PLXNA4: variants seen among roughly 807,000 people sequenced by gnomAD.
PLXNA4 encodes plexin-A4.
A neutral mutation model predicts 191.8 loss-of-function variants in PLXNA4; 44 were observed. The ratio of observed to expected loss-of-function variants is 0.23; its 90% CI spans 0.18 to 0.29. PLXNA4 has a LOEUF of 0.29. Ranked by LOEUF, PLXNA4 falls within the 10% of genes least tolerant of loss-of-function variation. The pLI, the probability that PLXNA4 is intolerant of heterozygous loss-of-function variation, is 1.00. For synonymous variants in PLXNA4, 1,082 were observed against 1,009.5 expected (o/e 1.07, Z -1.36); for missense variants, 1,800 against 2,488.8 (o/e 0.72, Z 5.89).
At chr7:132,604,955 T>C (rs1802895903) in intron 2 of PLXNA4, among the ~76,000 whole-genome samples, 1 of 152,178 alleles carries the variant, frequency 6.6e-6, no homozygotes. Context: ...CTTCCTTTGT[T>C]GACTCCAGTC....
intron 4 of PLXNA4, among the ~76,000 whole-genome samples, chr7:132,283,978 C>T (rs573966419): frequency 5.3e-5 from 8 of 152,198 alleles, no homozygotes; most frequent in Non-Finnish European, 7.4e-5. Context: ...AGGAGCCCAG[C>T]GTGTACAACA....
At chr7:132,272,994 G>A (rs1442291869) in intron 4 of PLXNA4, among the ~76,000 whole-genome samples, 1 of 152,172 alleles carries the variant, frequency 6.6e-6, no homozygotes, top group African/African-American at 2.4e-5. Context: ...TTGAAGGGCA[G>A]GCTGTGTTTT....
chr7:132,463,852 C>T (rs1264365678), intron 3 of PLXNA4, among the ~76,000 whole-genome samples: 1 of 152,204 alleles, frequency 6.6e-6, no homozygotes, highest in Non-Finnish European at 1.5e-5. Context: ...TAAAACAGAA[C>T]TAAATTCATC....
intron 3 of PLXNA4, among the ~76,000 whole-genome samples, chr7:132,311,286 C>G (rs1801732652): frequency 6.6e-6 from 1 of 151,846 alleles, no homozygotes; most frequent in Admixed American, 6.6e-5. Flanking sequence ...AATCTCAGAA[C>G]TCTCCCCAGA....
chr7:132,518,831 G>C (rs1263033242), intron 1 of PLXNA4, among the ~76,000 whole-genome samples: 1 of 152,086 alleles, frequency 6.6e-6, no homozygotes, highest in African/African-American at 2.4e-5. Flanking sequence ...TGGTTTCCAC[G>C]CCCTCCTTCC....
At chr7:132,589,836 T>G (rs1384308446) in intron 2 of PLXNA4, among the ~76,000 whole-genome samples, 1 of 152,148 alleles carries the variant, frequency 6.6e-6, no homozygotes, top group Non-Finnish European at 1.5e-5. Context: ...TAGGAACAAC[T>G]TCCTTGAGGT....
At chr7:132,395,695 G>T (rs897678970) in intron 3 of PLXNA4, among the ~76,000 whole-genome samples, 1 of 152,232 alleles carries the variant, frequency 6.6e-6, no homozygotes. Flanking sequence ...CTCTTGGAGA[G>T]AGGGGAGAGT....
Position 132,515,724 on chromosome 7 carries a change from G to C in PLXNA4, c.-86-6945C>G, listed in dbSNP as rs577694921. Among the ~76,000 whole-genome samples the C allele has an allele frequency of 9.2e-4, 140 of 152,310 alleles. No homozygotes were observed. The South Asian group carries it at 0.011, about 12-fold the overall frequency. The stretch of plus-strand genomic sequence containing the variant: ...TAGGAGCTGCACCAGCAGAGCTCTT[G>C]GGAAGTCTTCACCAATTCATGCTTC... On this transcript the variant is annotated intron_variant, in intron 1 of 31. Coordinates refer to ENST00000321063, the MANE Select transcript of PLXNA4 (RefSeq NM_020911.2).
intron 1 of PLXNA4, among the ~76,000 whole-genome samples, chr7:132,565,989 G>A (rs567788081): frequency 6.6e-6 from 1 of 152,298 alleles, no homozygotes; most frequent in East Asian, 1.9e-4. Context: ...TTCGAACTCA[G>A]CTGGGACTTG....
chr7:132,381,584 G>C (rs867294959), intron 3 of PLXNA4, among the ~76,000 whole-genome samples: 1 of 152,174 alleles, frequency 6.6e-6, no homozygotes. Flanking sequence ...TGACATTCCA[G>C]TTGCAAGGAA....
intron 30 of PLXNA4, among the ~76,000 whole-genome samples, chr7:132,136,320 T>C (rs771975469): frequency 3.3e-5 from 5 of 152,156 alleles, no homozygotes; most frequent in South Asian, 2.1e-4. Flanking sequence ...TGGCTGTGCA[T>C]TGAGGAAGGG....
At chr7:132,228,962 T>C (rs1241298083) in intron 5 of PLXNA4, among the ~76,000 whole-genome samples, 1 of 152,206 alleles carries the variant, frequency 6.6e-6, no homozygotes, top group Non-Finnish European at 1.5e-5. Flanking sequence ...CAATCTCTCC[T>C]GCCCACCCTA....
At chr7:132,553,537 A>G (rs1463141694) in intron 1 of PLXNA4, among the ~76,000 whole-genome samples, 2 of 152,098 alleles carry the variant, frequency 1.3e-5, no homozygotes, top group East Asian at 3.9e-4. Context: ...ATGGCCACAC[A>G]TAGGACCTTC....
chr7:132,218,251 G>C (rs566975035), intron 9 of PLXNA4, among the ~76,000 whole-genome samples: 15 of 152,224 alleles, frequency 9.9e-5, no homozygotes, highest in African/African-American at 3.6e-4. Flanking sequence ...GGGGTATTAG[G>C]GGATGTTGGG....
intron 5 of PLXNA4, among the ~76,000 whole-genome samples, chr7:132,232,434 T>C (rs1301797423): frequency 2.0e-5 from 3 of 152,136 alleles, no homozygotes; most frequent in Admixed American, 6.5e-5. Context: ...AACCTTCAGA[T>C]GGCCAGCAGG....
chr7:132,591,702 A>T (rs1388940863), intron 2 of PLXNA4, among the ~76,000 whole-genome samples: 1 of 152,222 alleles, frequency 6.6e-6, no homozygotes, highest in African/African-American at 2.4e-5. Context: ...GCACAGGACT[A>T]GGAGCGTTTG....
chr7:132,300,998 T>C (rs1801283469), intron 3 of PLXNA4, among the ~76,000 whole-genome samples: 1 of 152,142 alleles, frequency 6.6e-6, no homozygotes, highest in African/African-American at 2.4e-5. Flanking sequence ...AGGAAGCCAG[T>C]TGACTTGGGG....
Position 132,544,965 on chromosome 7 carries a change from A to G in PLXNA4, c.-87+31457T>C, listed in dbSNP as rs572562228. 8.5e-5 allele frequency among the ~76,000 whole-genome samples: 13 copies of G among 152,368 alleles called. No individual in the cohort carries two copies. In the East Asian group the frequency reaches 2.3e-3, roughly 27 times the overall value. On this transcript the variant is annotated intron_variant, in intron 1 of 31. Coordinates refer to ENST00000321063, the MANE Select transcript of PLXNA4 (RefSeq NM_020911.2). ...GACCTGTGCTACAATAGAGGGGACT[A>G]GTACAGCCACACCAGGCAAAGCTCT...
At chr7:132,479,485 T>C (rs1319594401) in intron 3 of PLXNA4, among the ~76,000 whole-genome samples, 1 of 152,158 alleles carries the variant, frequency 6.6e-6, no homozygotes, top group Non-Finnish European at 1.5e-5. Context: ...TGGGTCCCCA[T>C]GCAGCTGTGC....
Sources: gnomAD v4.1 joint callset for allele counts (sites outside exome capture counted in the v4.1 genomes callset) on GRCh38, gnomAD v4.1.1 for gene constraint, MANE v1.5 for transcripts, NCBI Gene and HGNC (gene_info 2026-07-23, HGNC 2026-07-21) for gene names.